The following NEXMIF variants were observed in gnomAD, a reference collection of about 807,000 sequenced individuals.
The protein encoded by NEXMIF is neurite extension and migration factor, also known as XLMR protein related to neurite extension.
In NEXMIF, 8 loss-of-function variants were observed where a neutral mutation model predicts 62.1. That is an observed-to-expected ratio of 0.13 (90% CI 0.08 to 0.23). NEXMIF has a LOEUF of 0.23. Ranked by LOEUF, NEXMIF falls within the 10% of genes least tolerant of loss-of-function variation. The pLI, the probability that NEXMIF is intolerant of heterozygous loss-of-function variation, is 1.00. For missense variants in NEXMIF, 976 were observed against 1,113.3 expected (o/e 0.88, Z 1.75); for synonymous variants, 404 against 416.6 (o/e 0.97, Z 0.37).
In NEXMIF at chrX:74,768,270, C is replaced by A. The variant is rs144662586; in HGVS notation, c.-47-22573G>T. ...ATGTCACTCCTGGCTGGATGGTCAT[C>A]CTGCCTTGATTTTCTCCATTCTCTG... On this transcript the variant is annotated intron_variant, in intron 1 of 3. Transcript: ENST00000055682. 1.3e-3 allele frequency among the ~76,000 whole-genome samples: 146 copies of A among 111,818 alleles called. 1 individual carries two copies. In the Middle Eastern group the frequency reaches 0.014, roughly 11 times the overall value.
intron 1 of NEXMIF, among the ~76,000 whole-genome samples, chrX:74,909,082 A>T (rs2147372820): frequency 9.0e-6 from 1 of 111,341 alleles, no homozygotes; most frequent in Admixed American, 9.6e-5. Context: ...ATGGACCAAT[A>T]CAGTAAATTG....
At chrX:74,890,837 G>A (rs2080715425) in intron 1 of NEXMIF, among the ~76,000 whole-genome samples, 1 of 111,142 alleles carries the variant, frequency 9.0e-6, no homozygotes, top group African/African-American at 3.3e-5. Flanking sequence ...CCAGGGAGTG[G>A]CACACGGGAG....
intron 1 of NEXMIF, among the ~76,000 whole-genome samples, chrX:74,845,972 G>T (rs1224705349): frequency 8.9e-6 from 1 of 111,923 alleles, no homozygotes; most frequent in Non-Finnish European, 1.9e-5. Context: ...CAGTGATTTA[G>T]TTACCCACCT....
At chrX:74,856,071 C>T (rs2080533846) in intron 1 of NEXMIF, among the ~76,000 whole-genome samples, 1 of 111,777 alleles carries the variant, frequency 8.9e-6, no homozygotes, top group Non-Finnish European at 1.9e-5. Context: ...AAAAAGCAAT[C>T]AATAGAAACT....
intron 1 of NEXMIF, among the ~76,000 whole-genome samples, chrX:74,813,313 A>C (rs187345294): frequency 8.1e-4 from 90 of 111,580 alleles, no homozygotes; most frequent in African/African-American, 2.8e-3. Flanking sequence ...CACAAAAAAG[A>C]TATACCTATA....
At chrX:74,744,952 C>CTCTTA (rs2080121886) in intron 2 of NEXMIF, among the ~76,000 whole-genome samples, 2 of 84,913 alleles carry the variant, frequency 2.4e-5, no homozygotes, top group African/African-American at 8.5e-5. Flanking sequence ...TCTCTCTCTT[C>CTCTTA]TCTCTCCTCC....
At chrX:74,851,423 T>C (rs976572537) in intron 1 of NEXMIF, among the ~76,000 whole-genome samples, 2 of 111,216 alleles carry the variant, frequency 1.8e-5, no homozygotes, top group African/African-American at 6.5e-5. Context: ...CACTGTGTAT[T>C]ATAGTCAAAT....
intron 1 of NEXMIF, among the ~76,000 whole-genome samples, chrX:74,764,670 A>G (rs183827433): frequency 6.3e-5 from 7 of 110,998 alleles, no homozygotes; most frequent in Non-Finnish European, 1.1e-4. Context: ...CCTCAATTTC[A>G]TCATTCACCC....
chrX:74,863,361 A>G (rs2147500602), intron 1 of NEXMIF, among the ~76,000 whole-genome samples: 1 of 111,253 alleles, frequency 9.0e-6, no homozygotes, highest in East Asian at 2.8e-4. Flanking sequence ...CTTCAAAAAA[A>G]TAATAAAATA....
At chrX:74,903,440 C>T (rs948416362) in intron 1 of NEXMIF, among the ~76,000 whole-genome samples, 11 of 107,313 alleles carry the variant, frequency 1.0e-4, no homozygotes, top group South Asian at 4.3e-4. Context: ...TGACTTGTGG[C>T]TTTCTAGCCC....
At chrX:74,921,813 C>G (rs1161272310) in intron 1 of NEXMIF, among the ~76,000 whole-genome samples, 1 of 111,750 alleles carries the variant, frequency 8.9e-6, no homozygotes, top group African/African-American at 3.3e-5. Flanking sequence ...CAATCATTCC[C>G]CTTCCCTTTC....
In NEXMIF at chrX:74,890,776, T is replaced by C. The variant is rs1437276752; in HGVS notation, c.-48+34107A>G. 3.6e-5 allele frequency among the ~76,000 whole-genome samples: 4 copies of C among 110,690 alleles called. No homozygotes were observed. The Admixed American group carries it at 3.9e-4, about 11-fold the overall frequency. ...CCAAGTGTGAAAACACAAGAGATGGTGAGAACTGTGGCCACAGTCATCATT... is the reference window on the plus strand; with the variant it reads ...CCAAGTGTGAAAACACAAGAGATGGCGAGAACTGTGGCCACAGTCATCATT... On this transcript the variant is annotated intron_variant, in intron 1 of 3. Coordinates refer to ENST00000055682, the MANE Select transcript of NEXMIF (RefSeq NM_001008537.3).
At chrX:74,784,159 C>A (rs762303527) in intron 1 of NEXMIF, among the ~76,000 whole-genome samples, 1 of 111,650 alleles carries the variant, frequency 9.0e-6, no homozygotes, top group Non-Finnish European at 1.9e-5. Flanking sequence ...TTAGTTACCA[C>A]GATTATAGTA....
chrX:74,742,521 G>A lies in NEXMIF; in HGVS notation c.2036C>T (p.Pro679Leu), dbSNP rs1453326325. 2.5e-6 allele frequency: 3 copies of A among 1,208,240 alleles called. No homozygotes were observed. Among genetic ancestry groups the A allele is most frequent in the South Asian group, 3.5e-5 (2 of 56,753 alleles). Residue 679 changes from proline (P) to leucine (L), a missense_variant, in exon 3 of 4, where the codon CCT becomes CTT. Pro to Leu is a moderately conservative substitution (Grantham distance 98). Coordinates refer to ENST00000055682, the MANE Select transcript of NEXMIF (RefSeq NM_001008537.3). ...ATTTGCACAGCTAGGAGCACCCAGAGGTGCTGACTTCAGTGTACCTTTTAG... is the reference window on the plus strand; with the variant it reads ...ATTTGCACAGCTAGGAGCACCCAGAAGTGCTGACTTCAGTGTACCTTTTAG... The part of the protein sequence containing the change: ...GGLKGTLKSA[P>L]LGAPSCANGS...
chrX:74,885,640 T>C (rs1425270033), intron 1 of NEXMIF, among the ~76,000 whole-genome samples: 2 of 111,645 alleles, frequency 1.8e-5, no homozygotes. Flanking sequence ...GGATCTGAAA[T>C]TGTGGCAATA....
intron 1 of NEXMIF, among the ~76,000 whole-genome samples, chrX:74,884,303 C>A (rs2080680259): frequency 9.0e-6 from 1 of 111,589 alleles, no homozygotes; most frequent in South Asian, 3.8e-4. Flanking sequence ...CAATACTAAC[C>A]TTAAATGTAA....
At chrX:74,811,211 A>G (rs1324820055) in intron 1 of NEXMIF, among the ~76,000 whole-genome samples, 1 of 111,690 alleles carries the variant, frequency 9.0e-6, no homozygotes, top group Admixed American at 9.6e-5. Flanking sequence ...GCTTTCTCCA[A>G]TTGTTTGTAT....
At chrX:74,880,578 T>C (rs2080658911) in intron 1 of NEXMIF, among the ~76,000 whole-genome samples, 2 of 112,198 alleles carry the variant, frequency 1.8e-5, no homozygotes, top group South Asian at 7.4e-4. Context: ...CAAGCAATTG[T>C]TATCCCAGTC....
intron 1 of NEXMIF, among the ~76,000 whole-genome samples, chrX:74,774,051 A>G (rs2080221226): frequency 9.0e-6 from 1 of 110,931 alleles, no homozygotes; most frequent in Non-Finnish European, 1.9e-5. Flanking sequence ...AAAGAACACA[A>G]TAGTGTCTTA....
Sources: allele counts gnomAD v4.1 joint callset (sites outside exome capture counted in the v4.1 genomes callset), GRCh38; gene constraint gnomAD v4.1.1; transcripts MANE v1.5; gene names NCBI Gene and HGNC (gene_info 2026-07-23, HGNC 2026-07-21).